The following ACACB variants were observed in gnomAD, a reference collection of about 807,000 sequenced individuals.
ACACB encodes acetyl-CoA carboxylase 2.
In ACACB, 209 loss-of-function variants were observed where a neutral mutation model predicts 278.8. The ratio of observed to expected loss-of-function variants is 0.75; its 90% CI spans 0.67 to 0.84. The LOEUF is 0.84. ACACB is among the 40% of genes least tolerant of loss of function. ACACB has a pLI of 0.00. For synonymous variants in ACACB, 1,174 were observed against 1,285.6 expected (o/e 0.91, Z 1.86); for missense variants, 2,850 against 3,269.0 (o/e 0.87, Z 3.13).
At chr12:109,234,950 A>G (rs529622888) in intron 31 of ACACB, among the ~76,000 whole-genome samples, 2 of 152,160 alleles carry the variant, frequency 1.3e-5, no homozygotes, top group South Asian at 4.2e-4. Flanking sequence ...AAAGTGTACA[A>G]TTTAATATAT....
upstream of ACACB, among the ~76,000 whole-genome samples, chr12:109,113,923 T>C (rs1422015853): frequency 1.3e-5 from 2 of 152,242 alleles, no homozygotes; most frequent in Non-Finnish European, 2.9e-5. Flanking sequence ...CTTCTGACAC[T>C]GTAATTTGGG....
upstream of ACACB, among the ~76,000 whole-genome samples, chr12:109,112,703 A>C (rs887632560): frequency 2.6e-5 from 4 of 151,878 alleles, no homozygotes; most frequent in Admixed American, 6.6e-5. Flanking sequence ...AAAAAAAAAA[A>C]AAAAAACCAA....
At chr12:109,262,230 G>C in intron 48 of ACACB, 127 bp from the exon 49 acceptor site, 1 of 678,586 alleles carries the variant, frequency 1.5e-6, no homozygotes, top group Non-Finnish European at 2.6e-6. Context: ...ATGTGTGGGG[G>C]TAAAAGAGCT....
rs540892025 is a variant in ACACB at position 109,176,449 on chromosome 12, C to T, written c.1437+186C>T. On this transcript the variant is annotated intron_variant, in intron 9 of 52. Transcript: ENST00000338432. ...CTCAGAAAAGCCCATGGTTTTGTGT[C>T]GATCTTGACAGAATCTTTTAGGTAG... Among the ~76,000 whole-genome samples the T allele has an allele frequency of 5.3e-5, 8 of 152,136 alleles. No homozygotes were observed. In the East Asian group the frequency reaches 1.4e-3, roughly 26 times the overall value.
At position 109,231,374 on chromosome 12, in the gene ACACB, C is replaced by T. The variant is rs143481697; in HGVS notation, c.4002-1295C>T. ...CATTTTTCAATGGGGACAGGTAATT[C>T]ATGTTAAATGAATACATGAACACAT... On this transcript the variant is annotated intron_variant, in intron 28 of 52. Coordinates refer to ENST00000338432, the MANE Select transcript of ACACB (RefSeq NM_001093.4). Among the ~76,000 whole-genome samples, 215 of 152,232 alleles carry T rather than the reference C, an allele frequency of 1.4e-3. 1 individual carries two copies. The highest frequency in any genetic ancestry group is 5.0e-3 in the African/African-American group (206 of 41,562).
intron 19 of ACACB, among the ~76,000 whole-genome samples, chr12:109,204,976 A>G (rs922004755): frequency 2.0e-5 from 3 of 152,048 alleles, no homozygotes; most frequent in African/African-American, 7.2e-5. Flanking sequence ...ACTCCCGGGT[A>G]GCAAGTACCT....
upstream of ACACB, among the ~76,000 whole-genome samples, chr12:109,114,188 G>C (rs1235133414): frequency 2.0e-5 from 3 of 152,132 alleles, no homozygotes; most frequent in Non-Finnish European, 4.4e-5. Context: ...GCCCAGGCTA[G>C]GGAACCAGTT....
At chr12:109,166,310 G>T (rs1169429641) in intron 2 of ACACB, among the ~76,000 whole-genome samples, 1 of 151,994 alleles carries the variant, frequency 6.6e-6, no homozygotes, top group East Asian at 1.9e-4. Flanking sequence ...ATTAACTTAG[G>T]ATTAAAAATC....
Position 109,201,699 on chromosome 12 carries a change from C to T in ACACB, c.2911C>T (p.Pro971Ser), listed in dbSNP as rs774719378. Reference sequence around the variant, plus strand: ...GCTCGATGACCCTTCTAAAGTCCACCCGGTATGTGGCTCCACGGCCCAAGT... The same window carrying T: ...GCTCGATGACCCTTCTAAAGTCCACTCGGTATGTGGCTCCACGGCCCAAGT... ...LELDDPSKVHPAEPFTGELPA... is the reference protein window; with the variant it reads ...LELDDPSKVHSAEPFTGELPA... Residue 971 changes from proline (P) to serine (S), a missense_variant and splice_region_variant, in exon 19 of 53, where the codon CCG becomes TCG. By Grantham distance (74) the Pro-to-Ser change is moderately conservative. Transcript: ENST00000338432. The T allele has an allele frequency of 1.2e-6, 2 of 1,613,724 alleles. No homozygotes were observed. The highest frequency in any genetic ancestry group is 1.7e-6 in the Non-Finnish European group (2 of 1,179,902).
intron 36 of ACACB, 114 bp from the exon 37 acceptor site, chr12:109,242,323 A>C: frequency 8.3e-7 from 1 of 1,209,608 alleles, no homozygotes; most frequent in Non-Finnish European, 1.2e-6. Flanking sequence ...TTGTCATGCC[A>C]TGTGACATGC....
At chr12:109,247,806 T>G in intron 40 of ACACB, 103 bp downstream of exon 40, 1 of 945,622 alleles carries the variant, frequency 1.1e-6, no homozygotes. Context: ...GGTGGTGGTG[T>G]TTGTATGATG....
chr12:109,219,137 C>T (rs1350481601), intron 24 of ACACB, among the ~76,000 whole-genome samples: 1 of 152,098 alleles, frequency 6.6e-6, no homozygotes, highest in Non-Finnish European at 1.5e-5. Flanking sequence ...CCCCCTATTG[C>T]CACTACTCAG....
chr12:109,130,413 C>T lies in ACACB; in HGVS notation c.-9-8984C>T, dbSNP rs960812337. The stretch of plus-strand genomic sequence containing the variant: ...TTTCCAGGGGACCAAACAAGGTGCC[C>T]GGTGACAGTTGACTTTGGCCGCCAA... On this transcript the variant is annotated intron_variant, in intron 1 of 52. Transcript: ENST00000338432. Among the ~76,000 whole-genome samples, 9 of 152,294 alleles carry T rather than the reference C, an allele frequency of 5.9e-5. 1 individual carries two copies. In the South Asian group the frequency reaches 1.2e-3, roughly 21 times the overall value.
In ACACB at chr12:109,254,333, A is replaced by G. The variant is rs368828312; in HGVS notation, c.6165A>G (p.Pro2055=). The change falls in exon 44 of 53, where the codon CCA becomes CCG. Residue 2055 remains proline (P), a splice_region_variant and synonymous_variant. Coordinates refer to ENST00000338432, the MANE Select transcript of ACACB (RefSeq NM_001093.4). ...GGATGCTTGCAGGAAGGCCTCACCC[A>G]AGTAAGTTCTAAAGTATTTTGCCTA... ...PRWMLAGRPH[P]TLKGTWQSGF... The G allele has an allele frequency of 3.1e-6, 5 of 1,607,234 alleles. No individual in the cohort carries two copies. Among genetic ancestry groups the G allele is most frequent in the Non-Finnish European group, 4.2e-6 (5 of 1,179,088 alleles).
chr12:109,168,125 C>A, intron 4 of ACACB, 91 bp downstream of exon 4: 1 of 1,410,596 alleles, frequency 7.1e-7, no homozygotes, highest in Non-Finnish European at 9.6e-7. Flanking sequence ...CCATCCTGGA[C>A]TCCCGATGGT....
At position 109,266,404 on chromosome 12, in the gene ACACB, A is replaced by T; in HGVS notation, c.*42A>T. The T allele has an allele frequency of 6.4e-7, 1 of 1,559,052 alleles. No individual in the cohort carries two copies. Among genetic ancestry groups the T allele is most frequent in the East Asian group, 2.3e-5 (1 of 43,588 alleles). Reference sequence around the variant, plus strand: ...CACTCCCGGGACCACGGCAAAAGGAACCACCCAGACCCACCACCCGTACAC... The same window carrying T: ...CACTCCCGGGACCACGGCAAAAGGATCCACCCAGACCCACCACCCGTACAC... On this transcript the variant is annotated 3_prime_UTR_variant, in exon 53 of 53. Transcript: ENST00000338432.
Position 109,250,074 on chromosome 12 carries a change from G to A in ACACB, c.5760G>A (p.Leu1920=). The change falls in exon 41 of 53, where the codon CTG becomes CTA. Residue 1920 remains leucine (L), a synonymous_variant. Transcript: ENST00000338432. ...GCATGATTGCTGGGGAGTCCTCTCT[G>A]GCTTACGAAGAGATCGTCACCATTA... ...GSGMIAGESS[L]AYEEIVTISL... 1 of 1,612,578 alleles carries A rather than the reference G, an allele frequency of 6.2e-7. No homozygotes were observed. Among genetic ancestry groups the A allele is most frequent in the South Asian group, 1.1e-5 (1 of 90,784 alleles).
intron 33 of ACACB, 84 bp downstream of exon 33, chr12:109,235,731 C>T (rs2046614738): frequency 1.6e-6 from 2 of 1,285,658 alleles, no homozygotes; most frequent in East Asian, 2.4e-5. Context: ...GGTGTGGTGG[C>T]TCAAGCCCGT....
At chr12:109,146,849 A>G (rs2043255126) in intron 2 of ACACB, among the ~76,000 whole-genome samples, 1 of 151,142 alleles carries the variant, frequency 6.6e-6, no homozygotes, top group South Asian at 2.1e-4. Context: ...TAATTTTTTT[A>G]TTTTTGGTAA....
Sources: gnomAD v4.1 joint callset for allele counts (sites outside exome capture counted in the v4.1 genomes callset) on GRCh38, gnomAD v4.1.1 for gene constraint, MANE v1.5 for transcripts, NCBI Gene and HGNC (gene_info 2026-07-23, HGNC 2026-07-21) for gene names.